The following TSPAN9 variants were observed in gnomAD, a reference collection of about 807,000 sequenced individuals.
TSPAN9 encodes tetraspanin 9.
A neutral mutation model predicts 31.0 loss-of-function variants in TSPAN9; 16 were observed. The ratio of observed to expected loss-of-function variants is 0.52; its 90% CI spans 0.35 to 0.78. TSPAN9 has a LOEUF of 0.78. Ranked by LOEUF, TSPAN9 falls within the 30% of genes least tolerant of loss-of-function variation. The pLI is 0.01. For synonymous variants in TSPAN9, 145 were observed against 121.6 expected (o/e 1.19, Z -1.27); for missense variants, 272 against 312.5 (o/e 0.87, Z 0.98).
chr12:3,096,521 G>T (rs55804908), intron 2 of TSPAN9, among the ~76,000 whole-genome samples: 8 of 150,414 alleles, frequency 5.3e-5, no homozygotes, highest in African/African-American at 1.9e-4. Flanking sequence ...GGTGGACACA[G>T]AAATATTTTT....
At chr12:3,196,741 G>A (rs1421088534) in intron 2 of TSPAN9, among the ~76,000 whole-genome samples, 1 of 152,204 alleles carries the variant, frequency 6.6e-6, no homozygotes, top group Non-Finnish European at 1.5e-5. Flanking sequence ...CTGTTGCATT[G>A]CAGCCTCCAC....
At chr12:3,238,805 C>T (rs950272064) in intron 3 of TSPAN9, among the ~76,000 whole-genome samples, 7 of 152,230 alleles carry the variant, frequency 4.6e-5, no homozygotes, top group Admixed American at 3.9e-4. Flanking sequence ...TGCTTGGCGT[C>T]TGTTGAACTG....
intron 2 of TSPAN9, among the ~76,000 whole-genome samples, chr12:3,177,282 T>C (rs1049984147): frequency 1.3e-5 from 2 of 151,974 alleles, no homozygotes; most frequent in Non-Finnish European, 2.9e-5. Context: ...GGACTACAGG[T>C]GCCTGCCACC....
chr12:3,135,570 G>A (rs1179464607), intron 2 of TSPAN9, among the ~76,000 whole-genome samples: 1 of 152,188 alleles, frequency 6.6e-6, no homozygotes, highest in African/African-American at 2.4e-5. Flanking sequence ...GGCCTGCAGG[G>A]TTGAGGGGCT....
intron 3 of TSPAN9, among the ~76,000 whole-genome samples, chr12:3,271,248 T>A (rs1176000297): frequency 6.6e-6 from 1 of 152,192 alleles, no homozygotes; most frequent in Non-Finnish European, 1.5e-5. Flanking sequence ...GACCAAGGAA[T>A]CATGCCATCT....
chr12:3,129,739 A>G (rs2098328908), intron 2 of TSPAN9, among the ~76,000 whole-genome samples: 1 of 152,204 alleles, frequency 6.6e-6, no homozygotes. Context: ...TTAAGAGCTC[A>G]GCTTCCTTTC....
intron 2 of TSPAN9, among the ~76,000 whole-genome samples, chr12:3,134,295 T>C (rs2098331101): frequency 6.6e-6 from 1 of 152,088 alleles, no homozygotes; most frequent in South Asian, 2.1e-4. Context: ...AAGATGAGAG[T>C]ATTGTGGGAA....
At chr12:3,093,985 C>A (rs2098306411) in intron 2 of TSPAN9, among the ~76,000 whole-genome samples, 2 of 152,186 alleles carry the variant, frequency 1.3e-5, no homozygotes, top group South Asian at 4.1e-4. Context: ...GCCTCAGCCT[C>A]CTGAGTAGTT....
At chr12:3,279,148 G>T in intron 5 of TSPAN9, 82 bp downstream of exon 5, 1 of 1,301,250 alleles carries the variant, frequency 7.7e-7, no homozygotes, top group Non-Finnish European at 1.1e-6. Context: ...TCCCTTCCCT[G>T]GCCAGAGGAA....
chr12:3,135,109 G>A (rs991880466), intron 2 of TSPAN9, among the ~76,000 whole-genome samples: 1 of 152,078 alleles, frequency 6.6e-6, no homozygotes, highest in Non-Finnish European at 1.5e-5. Flanking sequence ...GATTGACAGG[G>A]TTTTGCTCTG....
intron 2 of TSPAN9, among the ~76,000 whole-genome samples, chr12:3,149,457 T>C (rs962748441): frequency 1.3e-5 from 2 of 152,182 alleles, no homozygotes; most frequent in African/African-American, 4.8e-5. Context: ...CTTGCATTCT[T>C]CAGAAGCTAA....
At chr12:3,138,096 A>G (rs931290971) in intron 2 of TSPAN9, among the ~76,000 whole-genome samples, 3 of 152,168 alleles carry the variant, frequency 2.0e-5, no homozygotes, top group Admixed American at 2.0e-4. Context: ...TTTGTCGTCC[A>G]TGGGTGGTGA....
chr12:3,268,160 A>AGCCTGCCCTCCGTGCG (rs1565639161), intron 3 of TSPAN9, among the ~76,000 whole-genome samples: 32,315 of 129,166 alleles, frequency 0.25, 9,849 homozygotes, highest in Non-Finnish European at 0.33. Context: ...CCCTCCGTGC[A>AGCCTGCCCTCCGTGCG]TTCCTGCAGC....
intron 2 of TSPAN9, among the ~76,000 whole-genome samples, chr12:3,096,079 C>T (rs1194510876): frequency 1.3e-5 from 2 of 152,084 alleles, no homozygotes; most frequent in East Asian, 1.9e-4. Flanking sequence ...AAGACTGAGA[C>T]AGCTCCGCTG....
At chr12:3,146,849 C>T (rs1205220753) in intron 2 of TSPAN9, among the ~76,000 whole-genome samples, 1 of 152,018 alleles carries the variant, frequency 6.6e-6, no homozygotes, top group African/African-American at 2.4e-5. Flanking sequence ...CCCGTGGCCT[C>T]CTGAAAGGGG....
At position 3,168,396 on chromosome 12, in the gene TSPAN9, G is replaced by A. The variant is rs2153970061; in HGVS notation, c.-17-32781G>A. Among the ~76,000 whole-genome samples, 1 of 152,312 alleles carries A rather than the reference G, an allele frequency of 6.6e-6. No homozygotes were observed. The highest frequency in any genetic ancestry group is 1.9e-4 in the East Asian group (1 of 5,180). On this transcript the variant is annotated intron_variant, in intron 2 of 8. Coordinates refer to ENST00000011898, the MANE Select transcript of TSPAN9 (RefSeq NM_006675.5). The surrounding 1 kb of genome is among the most constrained non-coding windows in gnomAD (Gnocchi z 4.0). ...TTCGCAATATGTTCCGGGTGCTGTA[G>A]GGGTGCTGGGTGAACAAGAACTGGG...
intron 2 of TSPAN9, among the ~76,000 whole-genome samples, chr12:3,190,060 C>G (rs1219341860): frequency 6.6e-6 from 1 of 152,230 alleles, no homozygotes; most frequent in Admixed American, 6.5e-5. Flanking sequence ...CCATCTTCTT[C>G]ACTTTACAGC....
chr12:3,256,308 C>T (rs1313385966), intron 3 of TSPAN9, among the ~76,000 whole-genome samples: 4 of 152,204 alleles, frequency 2.6e-5, no homozygotes, highest in East Asian at 3.9e-4. Context: ...CCCCGCTGAG[C>T]GCAGCACTCA....
At chr12:3,195,476 C>G (rs2153972388) in intron 2 of TSPAN9, among the ~76,000 whole-genome samples, 1 of 152,304 alleles carries the variant, frequency 6.6e-6, no homozygotes, top group East Asian at 1.9e-4. Flanking sequence ...TGTTCACATG[C>G]TCAGAGAGCC....
Sources: allele counts gnomAD v4.1 joint callset (sites outside exome capture counted in the v4.1 genomes callset), GRCh38; gene constraint gnomAD v4.1.1; non-coding constraint Gnocchi (gnomAD v3.1); transcripts MANE v1.5; gene names NCBI Gene and HGNC (gene_info 2026-07-23, HGNC 2026-07-21).